Variants in CNTNAP2 observed in about 807,000 individuals in gnomAD.
CNTNAP2 encodes the protein contactin associated protein 2, also known as contactin-associated protein-like 2.
A neutral mutation model predicts 155.2 loss-of-function variants in CNTNAP2; 98 were observed. That is an observed-to-expected ratio of 0.63 (90% confidence interval 0.54 to 0.75). The LOEUF (loss-of-function observed/expected upper bound fraction) is 0.75, where lower values mean the gene tolerates loss of function less well. Ranked by LOEUF, CNTNAP2 falls within the 30% of genes least tolerant of loss-of-function variation. CNTNAP2 has a pLI of 0.00. For synonymous variants in CNTNAP2, 651 were observed against 631.2 expected (o/e 1.03, Z -0.47); for missense variants, 1,727 against 1,688.1 (o/e 1.02, Z -0.40).
chr7:146,489,104 C>A (rs1301114799), intron 1 of CNTNAP2, among the ~76,000 whole-genome samples: 2 of 152,172 alleles, frequency 1.3e-5, no homozygotes, highest in African/African-American at 4.8e-5. Flanking sequence ...GGCCATTTCC[C>A]AAGTCTGCAT....
Position 146,534,421 on chromosome 7 carries a change from C to G in CNTNAP2, c.98-239850C>G, listed in dbSNP as rs370249351. ...GAATAACAGTGATACAATATGAGTG[C>G]CTTTTATTTTTGACAGTCTCTGCGT... is the stretch of plus-strand genomic sequence containing the variant. On this transcript the variant is annotated intron_variant, in intron 1 of 23. Coordinates refer to ENST00000361727, the MANE Select transcript of CNTNAP2 (RefSeq NM_014141.6). Among the ~76,000 whole-genome samples, 129 of 152,090 alleles carry G rather than the reference C, an allele frequency of 8.5e-4. 1 individual carries two copies. The highest frequency in any genetic ancestry group is 3.1e-3 in the African/African-American group (128 of 41,494).
intron 3 of CNTNAP2, among the ~76,000 whole-genome samples, chr7:146,922,465 G>A (rs1042047773): frequency 6.6e-6 from 1 of 152,010 alleles, no homozygotes; most frequent in Non-Finnish European, 1.5e-5. Context: ...GTGAACACCT[G>A]CACTCCTGTA....
chr7:146,880,553 A>T, intron 3 of CNTNAP2, among the ~76,000 whole-genome samples: 1 of 152,150 alleles, frequency 6.6e-6, no homozygotes, highest in East Asian at 1.9e-4. Context: ...TCTACACAAC[A>T]GTGGAGTTGA....
intron 3 of CNTNAP2, among the ~76,000 whole-genome samples, chr7:147,002,730 G>A (rs991214113): frequency 1.3e-5 from 2 of 151,848 alleles, no homozygotes; most frequent in African/African-American, 4.8e-5. Context: ...GATAGATGGT[G>A]CCTTCTAGCT....
chr7:147,363,463 G>GTT (rs1563175828), intron 9 of CNTNAP2, among the ~76,000 whole-genome samples: 1 of 152,180 alleles, frequency 6.6e-6, no homozygotes. Context: ...CAGTTACACA[G>GTT]TTTAATGATT....
intron 8 of CNTNAP2, among the ~76,000 whole-genome samples, chr7:147,140,525 A>G (rs1242629749): frequency 6.6e-6 from 1 of 152,022 alleles, no homozygotes; most frequent in Admixed American, 6.6e-5. Flanking sequence ...ACTACCTCCC[A>G]ATCTCAACTG....
chr7:148,310,779 G>A (rs1398667550), intron 21 of CNTNAP2, among the ~76,000 whole-genome samples: 1 of 152,140 alleles, frequency 6.6e-6, no homozygotes, highest in Non-Finnish European at 1.5e-5. Flanking sequence ...GGGGTGTCTT[G>A]TACCCAGACT....
In CNTNAP2 at chr7:147,754,988, C is replaced by T. The variant is rs143446299; in HGVS notation, c.2098+115682C>T. Among the ~76,000 whole-genome samples the T allele has an allele frequency of 1.4e-3, 212 of 152,242 alleles. 2 individuals carry two copies. The highest frequency in any genetic ancestry group is 4.7e-3 in the African/African-American group (197 of 41,546). On this transcript the variant is annotated intron_variant, in intron 13 of 23. Coordinates refer to ENST00000361727, the MANE Select transcript of CNTNAP2 (RefSeq NM_014141.6). ...CAGACAATAGAAGGTAATAAATTAA[C>T]GTCAATTGCCATTATCTATTGATTT...
intron 13 of CNTNAP2, among the ~76,000 whole-genome samples, chr7:147,659,003 G>A (rs1185634842): frequency 6.6e-6 from 1 of 152,144 alleles, no homozygotes; most frequent in Non-Finnish European, 1.5e-5. Context: ...ACCCAGCACT[G>A]ACGATGTAAG....
chr7:146,978,297 C>A (rs987875917), intron 3 of CNTNAP2, among the ~76,000 whole-genome samples: 1 of 152,064 alleles, frequency 6.6e-6, no homozygotes, highest in Non-Finnish European at 1.5e-5. Flanking sequence ...AGTGTTTAAC[C>A]AAAGATCATG....
At chr7:148,193,402 G>A (rs149784048) in intron 18 of CNTNAP2, among the ~76,000 whole-genome samples, 26 of 152,198 alleles carry the variant, frequency 1.7e-4, no homozygotes, top group East Asian at 1.2e-3. Flanking sequence ...AATGAACTTC[G>A]GGGTCAAAGA....
chr7:146,644,860 G>A (rs1461269869), intron 1 of CNTNAP2, among the ~76,000 whole-genome samples: 1 of 151,980 alleles, frequency 6.6e-6, no homozygotes, highest in African/African-American at 2.4e-5. Context: ...ACCAAAACGA[G>A]TCCAGGACCA....
intron 11 of CNTNAP2, among the ~76,000 whole-genome samples, chr7:147,559,052 T>C (rs1467568793): frequency 6.6e-6 from 1 of 151,986 alleles, no homozygotes; most frequent in African/African-American, 2.4e-5. Flanking sequence ...TTTTTAAAAA[T>C]GTCTGTAGAG....
intron 1 of CNTNAP2, among the ~76,000 whole-genome samples, chr7:146,747,915 A>G (rs924041751): frequency 2.0e-5 from 3 of 152,122 alleles, no homozygotes; most frequent in African/African-American, 7.2e-5. Flanking sequence ...TATCTATCCA[A>G]TATGATTGAA....
chr7:146,781,568 T>G (rs530611122), intron 2 of CNTNAP2, among the ~76,000 whole-genome samples: 354 of 152,216 alleles, frequency 2.3e-3, no homozygotes, highest in African/African-American at 7.9e-3. Context: ...TAGCTCACAC[T>G]TACATACACA....
Position 148,367,803 on chromosome 7 carries a change from T to C in CNTNAP2, c.3476-15846T>C, listed in dbSNP as rs371333733. Reference sequence around the variant, plus strand: ...TACGCAACATGTCACCAAGAGAAAATGACTGCTCATACCGAGAAAATGTAT... The same window carrying C: ...TACGCAACATGTCACCAAGAGAAAACGACTGCTCATACCGAGAAAATGTAT... On this transcript the variant is annotated intron_variant, in intron 21 of 23. Transcript: ENST00000361727. 5.3e-5 allele frequency among the ~76,000 whole-genome samples: 8 copies of C among 151,760 alleles called. No homozygotes were observed. The East Asian group carries it at 1.4e-3, about 26-fold the overall frequency.
At chr7:146,770,891 G>T (rs1042800927) in intron 1 of CNTNAP2, among the ~76,000 whole-genome samples, 2 of 151,978 alleles carry the variant, frequency 1.3e-5, no homozygotes, top group Admixed American at 6.6e-5. Context: ...CTATCCATTG[G>T]ATATTCACTC....
At chr7:147,725,378 T>C (rs892079259) in intron 13 of CNTNAP2, among the ~76,000 whole-genome samples, 1 of 152,134 alleles carries the variant, frequency 6.6e-6, no homozygotes, top group African/African-American at 2.4e-5. Flanking sequence ...ATAAGAAGCA[T>C]AGATGTTTTA....
chr7:148,158,899 T>C (rs564240856), intron 17 of CNTNAP2, among the ~76,000 whole-genome samples: 1 of 152,220 alleles, frequency 6.6e-6, no homozygotes, highest in Non-Finnish European at 1.5e-5. Flanking sequence ...TGATAATAAA[T>C]GGCAACTGTC....
Sources: allele counts gnomAD v4.1 joint callset (sites outside exome capture counted in the v4.1 genomes callset), GRCh38; gene constraint gnomAD v4.1.1; transcripts MANE v1.5; gene names NCBI Gene and HGNC (gene_info 2026-07-23, HGNC 2026-07-21).